The following SIRT5 variants were observed in gnomAD, a reference collection of about 807,000 sequenced individuals.
SIRT5 encodes the protein NAD-dependent protein deacylase sirtuin-5, mitochondrial.
Under a neutral mutation model 40.0 loss-of-function variants are expected in SIRT5, and 26 were observed. The observed-to-expected ratio is 0.65, with a 90% confidence interval of 0.48 to 0.90. The LOEUF (loss-of-function observed/expected upper bound fraction) is 0.90. SIRT5 is among the 40% of genes least tolerant of loss of function. The pLI, the probability that SIRT5 is intolerant of heterozygous loss-of-function variation, is 0.00. For synonymous variants in SIRT5, 146 were observed against 149.1 expected, an observed-to-expected ratio of 0.98 and a Z score of 0.15; for missense variants, 401 against 402.4, an observed-to-expected ratio of 1.00 and a Z score of 0.03.
intron 3 of SIRT5, chr6:13,585,216 T>C (rs1427908086): frequency 6.6e-6 from 1 of 152,144 alleles, no homozygotes; most frequent in Non-Finnish European, 1.5e-5. Flanking sequence ...TTATTTCTTT[T>C]ACTTTTTTAT....
At chr6:13,604,398 G>C in intron 9 of SIRT5, 2 of 904,168 alleles carry the variant, frequency 2.2e-6, no homozygotes, top group Non-Finnish European at 3.6e-6. Flanking sequence ...AACTCGAAGA[G>C]TGGGACAGGA....
At chr6:13,599,813 CA>C (rs1762123689) in intron 8 of SIRT5, among the ~76,000 whole-genome samples, 1 of 152,204 alleles carries the variant, frequency 6.6e-6, no homozygotes, top group African/African-American at 2.4e-5. Context: ...TAAGTTTGCC[CA>C]CCTCTGGTCT....
At chr6:13,604,438 G>T in intron 9 of SIRT5, 1 of 1,213,134 alleles carries the variant, frequency 8.2e-7, no homozygotes, top group South Asian at 1.2e-5. Context: ...CCTGAGCTAT[G>T]TCCCCAGTTT....
chr6:13,595,696 G>A, intron 6 of SIRT5, 132 bp downstream of exon 6: 1 of 753,472 alleles, frequency 1.3e-6, no homozygotes, highest in Non-Finnish European at 2.2e-6. Context: ...TACAAGGCTG[G>A]GTGCAGTGGC....
chr6:13,614,559 G>C lies in SIRT5; in HGVS notation c.*2694G>C, dbSNP rs937854827. On this transcript the variant is annotated 3_prime_UTR_variant, in exon 10 of 10. Coordinates refer to ENST00000606117, the MANE Select transcript of SIRT5 (RefSeq NM_012241.5). ...GAAATAAAATATACTTGGAAAAAAAGTACGTATGTGTATATACCACAAAAC... is the reference window on the plus strand; with the variant it reads ...GAAATAAAATATACTTGGAAAAAAACTACGTATGTGTATATACCACAAAAC... 6.6e-6 allele frequency: 1 copy of C among 152,274 alleles called. No homozygotes were observed. The highest frequency in any genetic ancestry group is 2.4e-5 in the African/African-American group (1 of 41,474). The allele number at this position is 152,274 out of a possible 1,614,324, so 9.4% of individuals were successfully genotyped here. A position where few individuals can be genotyped will look rare whatever the true frequency, so the allele number is the denominator to read the frequency against.
chr6:13,604,393 G>T, intron 9 of SIRT5: 1 of 877,858 alleles, frequency 1.1e-6, no homozygotes, highest in South Asian at 1.4e-5. Flanking sequence ...CAGAAAACTC[G>T]AAGAGTGGGA....
At chr6:13,596,456 C>T (rs964365512) in intron 6 of SIRT5, among the ~76,000 whole-genome samples, 1 of 152,064 alleles carries the variant, frequency 6.6e-6, no homozygotes, top group Non-Finnish European at 1.5e-5. Flanking sequence ...CCTCCCCACA[C>T]ATGCATTCCC....
intron 9 of SIRT5, chr6:13,605,431 T>C (rs920830027): frequency 2.0e-6 from 2 of 985,338 alleles, no homozygotes; most frequent in Non-Finnish European, 2.4e-6. Flanking sequence ...AATAATGTTC[T>C]CTGCTACTTT....
intron 9 of SIRT5, 105 bp from the exon 10 acceptor site, chr6:13,611,685 G>C (rs769474959): frequency 3.0e-5 from 24 of 803,740 alleles, no homozygotes; most frequent in Non-Finnish European, 4.4e-5. Flanking sequence ...TGAGAATTTG[G>C]GTTTTACTTC....
chr6:13,608,784 G>A (rs545652802), intron 9 of SIRT5, among the ~76,000 whole-genome samples: 1 of 151,660 alleles, frequency 6.6e-6, no homozygotes, highest in Admixed American at 6.6e-5. Context: ...ACATATAAAT[G>A]TAGATTAATA....
At chr6:13,576,027 G>C (rs1046277359) in intron 1 of SIRT5, among the ~76,000 whole-genome samples, 1 of 152,140 alleles carries the variant, frequency 6.6e-6, no homozygotes, top group Non-Finnish European at 1.5e-5. Flanking sequence ...TTGTATATAT[G>C]TGCCACATTT....
intron 3 of SIRT5, among the ~76,000 whole-genome samples, chr6:13,587,014 C>G (rs1760170044): frequency 6.6e-6 from 1 of 152,080 alleles, no homozygotes. Context: ...TCATTCAGTC[C>G]AAGGGTTAGC....
At position 13,591,704 on chromosome 6, in the gene SIRT5, G is replaced by A. The variant is rs200189746; in HGVS notation, c.285G>A (p.Pro95=). 9.5e-5 allele frequency: 153 copies of A among 1,605,212 alleles called. 1 individual carries two copies. Among genetic ancestry groups the A allele is most frequent in the Admixed American group, 5.5e-4 (33 of 59,470 alleles). Residue 95 remains proline (P), a synonymous_variant, in exon 5 of 10, where the codon CCG becomes CCA. Transcript: ENST00000606117. ...CTCCCCTGGCCTTTGCCCACAACCC[G>A]TCCCGGGTGTGGGAGTTCTACCACT... ...LATPLAFAHN[P]SRVWEFYHYR...
chr6:13,610,009 G>C (rs1252388902), intron 9 of SIRT5, among the ~76,000 whole-genome samples: 2 of 152,090 alleles, frequency 1.3e-5, no homozygotes, highest in African/African-American at 4.8e-5. Context: ...TGTCACCCAG[G>C]CTGGAGTCTG....
Position 13,614,360 on chromosome 6 carries a change from A to T in SIRT5, c.*2495A>T, listed in dbSNP as rs2127751751. ...TTGCCTGGGTGGGAATTTTTGAAGTATAAAAAGGACTTCTACCTGGGGGGC... is the reference window on the plus strand; with the variant it reads ...TTGCCTGGGTGGGAATTTTTGAAGTTTAAAAAGGACTTCTACCTGGGGGGC... On this transcript the variant is annotated 3_prime_UTR_variant, in exon 10 of 10. Coordinates refer to ENST00000606117, the MANE Select transcript of SIRT5 (RefSeq NM_012241.5). 1 of 152,370 alleles carries T rather than the reference A, an allele frequency of 6.6e-6. No individual in the cohort carries two copies. Among genetic ancestry groups the T allele is most frequent in the East Asian group, 1.9e-4 (1 of 5,190 alleles). 9.4% of individuals were successfully genotyped at this position (152,370 alleles called of 1,614,324 possible). A position where few individuals can be genotyped will look rare whatever the true frequency, so the allele number is the denominator to read the frequency against.
At chr6:13,586,251 G>C (rs993548060) in intron 3 of SIRT5, among the ~76,000 whole-genome samples, 2 of 152,294 alleles carry the variant, frequency 1.3e-5, no homozygotes, top group East Asian at 3.9e-4. Context: ...AATTTAATTA[G>C]ATCCCATTTG....
At chr6:13,585,563 G>A (rs1400768226) in intron 3 of SIRT5, among the ~76,000 whole-genome samples, 4 of 152,114 alleles carry the variant, frequency 2.6e-5, no homozygotes, top group Non-Finnish European at 4.4e-5. Flanking sequence ...CCCTGCAAAG[G>A]ACATGAACTC....
chr6:13,608,470 C>T (rs958075457), intron 9 of SIRT5, among the ~76,000 whole-genome samples: 10 of 151,976 alleles, frequency 6.6e-5, no homozygotes, highest in African/African-American at 2.4e-4. Context: ...CCTGTAATCC[C>T]GGCTACTTGG....
At chr6:13,592,605 C>CA (rs1198949361) in intron 5 of SIRT5, among the ~76,000 whole-genome samples, 1 of 152,176 alleles carries the variant, frequency 6.6e-6, no homozygotes, top group African/African-American at 2.4e-5. Context: ...CCTGGAGCCT[C>CA]AGGGAGCTGC....
Sources: allele counts gnomAD v4.1 joint callset (sites outside exome capture counted in the v4.1 genomes callset), GRCh38; gene constraint gnomAD v4.1.1; transcripts MANE v1.5; gene names NCBI Gene and HGNC (gene_info 2026-07-23, HGNC 2026-07-21).